Variants in DDX46 observed in about 807,000 individuals in gnomAD.
DDX46 encodes the protein DEAD-box helicase 46.
DDX46 carries 30 observed loss-of-function variants against 134.9 expected under a neutral mutation model. That is an observed-to-expected ratio of 0.22 (90% CI 0.17 to 0.30). The LOEUF is 0.30. Among genes scored for constraint, DDX46 ranks in the 10% least tolerant of loss-of-function variants. DDX46 has a pLI of 1.00. For missense variants in DDX46, 622 were observed against 1,248.7 expected, an observed-to-expected ratio of 0.50 and a Z score of 7.56; for synonymous variants, 415 against 404.1, an observed-to-expected ratio of 1.03 and a Z score of -0.32.
intron 15 of DDX46, among the ~76,000 whole-genome samples, chr5:134,801,153 C>T (rs1754816639): frequency 6.6e-6 from 1 of 152,026 alleles, no homozygotes; most frequent in African/African-American, 2.4e-5. Flanking sequence ...AAATTAGCCT[C>T]CCAGCTACTC....
rs1754171637 is a variant in DDX46, at chr5:134,782,067, A to G, written c.1026A>G (p.Leu342=). 1 of 1,587,804 alleles carries G rather than the reference A, an allele frequency of 6.3e-7. No individual in the cohort carries two copies. ...ACTTCTATGTTGAAGTTCCAGAACT[A>G]GCAAAAATGTCTCAAGAAGGTAAAA... ...RKNFYVEVPE[L]AKMSQEEVNV... is the part of the protein sequence containing the mutation. Residue 342 remains leucine, a synonymous_variant, in exon 8 of 23, where the codon CTA becomes CTG. Coordinates refer to ENST00000452510, the MANE Select transcript of DDX46 (RefSeq NM_001300860.2).
intron 12 of DDX46, among the ~76,000 whole-genome samples, chr5:134,789,815 A>G (rs963558474): frequency 1.3e-5 from 2 of 152,190 alleles, no homozygotes; most frequent in Non-Finnish European, 2.9e-5. Context: ...AGCCAGTTGC[A>G]TTTATTTAAG....
At chr5:134,769,734 A>T (rs1238732057) in intron 3 of DDX46, among the ~76,000 whole-genome samples, 1 of 151,688 alleles carries the variant, frequency 6.6e-6, no homozygotes, top group African/African-American at 2.4e-5. Flanking sequence ...TTTAGTAGAG[A>T]CAGGGTTTCA....
At chr5:134,780,600 A>AAATAAATG (rs1300501080) in intron 6 of DDX46, 2 of 149,272 alleles carry the variant, frequency 1.3e-5, no homozygotes, top group African/African-American at 4.9e-5. Flanking sequence ...ATAAATAAAT[A>AAATAAATG]AAGTATGTAT....
chr5:134,784,634 T>C, intron 10 of DDX46, 93 bp downstream of exon 10: 2 of 1,343,102 alleles, frequency 1.5e-6, no homozygotes, highest in African/African-American at 1.5e-5. Flanking sequence ...ATTATGACAA[T>C]GAAGTTGTCT....
chr5:134,764,018 T>C lies in DDX46; in HGVS notation c.132T>C (p.Asp44=), dbSNP rs775046354. Residue 44 remains aspartate, a synonymous_variant, in exon 2 of 23, where the codon GAT becomes GAC. Transcript: ENST00000452510. ...RGDDRRSRSR[D]RDRRRERSRS... ...ATGACAGACGGTCTAGAAGTAGAGATAGAGATAGGAGGAGAGAGAGGTCTC... is the reference window on the plus strand; with the variant it reads ...ATGACAGACGGTCTAGAAGTAGAGACAGAGATAGGAGGAGAGAGAGGTCTC... 16 of 1,613,964 alleles carry C rather than the reference T, an allele frequency of 9.9e-6. 1 individual carries two copies. In the South Asian group the frequency reaches 1.8e-4, roughly 18 times the overall value.
At chr5:134,784,342 TC>T in intron 9 of DDX46, 23 bp from the exon 10 acceptor site, 1 of 1,581,012 alleles carries the variant, frequency 6.3e-7, no homozygotes, top group East Asian at 2.2e-5. Flanking sequence ...TCTTACCTTT[TC>T]TTCCTTTGGT....
intron 12 of DDX46, 56 bp downstream of exon 12, chr5:134,788,647 T>C (rs1214830962): frequency 1.4e-6 from 2 of 1,475,982 alleles, no homozygotes; most frequent in East Asian, 2.3e-5. Flanking sequence ...TACTTTTTTT[T>C]GTTAAAACAG....
At chr5:134,779,892 AG>A (rs1754080016) in intron 6 of DDX46, among the ~76,000 whole-genome samples, 1 of 152,230 alleles carries the variant, frequency 6.6e-6, no homozygotes, top group African/African-American at 2.4e-5. Context: ...TGAGGTCAGG[AG>A]TTAGAGATCA....
At chr5:134,793,615 G>T (rs1371895278) in intron 13 of DDX46, among the ~76,000 whole-genome samples, 1 of 152,002 alleles carries the variant, frequency 6.6e-6, no homozygotes, top group East Asian at 1.9e-4. Context: ...ATGTTGGCTG[G>T]ACTGGTCTCG....
chr5:134,805,071 G>C (rs1000795035), intron 15 of DDX46: 8 of 319,882 alleles, frequency 2.5e-5, no homozygotes, highest in Non-Finnish European at 4.3e-5. Context: ...AGACAACCTA[G>C]TTTTGTTAAA....
At chr5:134,804,861 G>A in intron 15 of DDX46, 1 of 399,062 alleles carries the variant, frequency 2.5e-6, no homozygotes, top group Non-Finnish European at 4.9e-6. Context: ...GCTTAATCCT[G>A]TCATGATCAC....
At chr5:134,801,825 T>C (rs955935925) in intron 15 of DDX46, among the ~76,000 whole-genome samples, 1 of 152,238 alleles carries the variant, frequency 6.6e-6, no homozygotes, top group African/African-American at 2.4e-5. Flanking sequence ...ATAAAGCTGC[T>C]ATTATTCAAA....
At chr5:134,810,834 T>C (rs73299334) in intron 16 of DDX46, among the ~76,000 whole-genome samples, 54,511 of 151,042 alleles carry the variant, frequency 0.36, 10,735 homozygotes, top group East Asian at 0.71. Flanking sequence ...GGTGAAACCA[T>C]GTCTCTAGTG....
At chr5:134,809,407 G>C (rs1174707810) in intron 16 of DDX46, among the ~76,000 whole-genome samples, 1 of 152,024 alleles carries the variant, frequency 6.6e-6, no homozygotes, top group South Asian at 2.1e-4. Flanking sequence ...TCGCTCTGTT[G>C]CCCAGACTGG....
chr5:134,803,403 G>A (rs1452294714), intron 15 of DDX46, among the ~76,000 whole-genome samples: 1 of 152,038 alleles, frequency 6.6e-6, no homozygotes, highest in Admixed American at 6.6e-5. Context: ...ACGCACAGTT[G>A]TGGGTTTCTG....
chr5:134,800,404 CAGT>C (rs910769067), intron 15 of DDX46, among the ~76,000 whole-genome samples: 15 of 152,176 alleles, frequency 9.9e-5, no homozygotes, highest in Non-Finnish European at 1.8e-4. Context: ...TTGCATGTAT[CAGT>C]AGTTCTTCCC....
chr5:134,808,845 A>G (rs1284808378), intron 16 of DDX46, among the ~76,000 whole-genome samples: 1 of 152,240 alleles, frequency 6.6e-6, no homozygotes, highest in African/African-American at 2.4e-5. Flanking sequence ...TAATAAAGCA[A>G]TAAGTAGTAT....
intron 1 of DDX46, among the ~76,000 whole-genome samples, chr5:134,762,020 A>G (rs1026053794): frequency 1.3e-5 from 2 of 152,062 alleles, no homozygotes; most frequent in African/African-American, 4.8e-5. Context: ...TTTTGGGATT[A>G]CATTAAGTGG....
Sources: allele counts gnomAD v4.1 joint callset (sites outside exome capture counted in the v4.1 genomes callset), GRCh38; gene constraint gnomAD v4.1.1; transcripts MANE v1.5; gene names NCBI Gene and HGNC (gene_info 2026-07-23, HGNC 2026-07-21).